The following RAB9B variants were observed in gnomAD, a reference collection of about 807,000 sequenced individuals.
The protein encoded by RAB9B is RAB9B, member RAS oncogene family.
RAB9B carries 1 observed loss-of-function variant against 8.9 expected under a neutral mutation model. The ratio of observed to expected loss-of-function variants is 0.11; its 90% CI spans 0.04 to 0.53. RAB9B has a LOEUF of 0.53. RAB9B is among the 20% of genes least tolerant of loss of function. The probability of loss-of-function intolerance (pLI) is 0.93; values close to 1 mark genes in which losing one functional copy is unlikely to be tolerated. For missense variants in RAB9B, 82 were observed against 152.9 expected, an observed-to-expected ratio of 0.54 and a Z score of 2.45; for synonymous variants, 63 against 57.0, an observed-to-expected ratio of 1.10 and a Z score of -0.47.
the RAB9B span, among the ~76,000 whole-genome samples, chrX:103,806,328 A>G: frequency 1.8e-5 from 2 of 110,890 alleles, no homozygotes; most frequent in Non-Finnish European, 3.8e-5. Context: ...GGTATTTTCT[A>G]ATTTTTCATG....
At chrX:103,786,395 A>G in the RAB9B span, 1 of 1,123,374 alleles carries the variant, frequency 8.9e-7, no homozygotes, top group African/African-American at 1.8e-5. Context: ...TACCTCACTT[A>G]TGTCGGGAAA....
chrX:103,788,498 C>T, the RAB9B span: 1 of 1,201,512 alleles, frequency 8.3e-7, no homozygotes, highest in Middle Eastern at 2.3e-4. Context: ...TGTCCATCTG[C>T]AAAACAGCTG....
the RAB9B span, among the ~76,000 whole-genome samples, chrX:103,804,423 A>G: frequency 8.9e-6 from 1 of 112,223 alleles, no homozygotes; most frequent in Non-Finnish European, 1.9e-5. Flanking sequence ...TTTGAAATCA[A>G]CAAATGTGAG....
chrX:103,810,983 G>A, the RAB9B span, among the ~76,000 whole-genome samples: 1 of 111,936 alleles, frequency 8.9e-6, no homozygotes, highest in Admixed American at 9.5e-5. Context: ...GGAAAGAACT[G>A]TCTTTAGTTA....
At chrX:103,798,915 C>A in the RAB9B span, among the ~76,000 whole-genome samples, 1 of 108,606 alleles carries the variant, frequency 9.2e-6, no homozygotes, top group Non-Finnish European at 1.9e-5. Context: ...GCTGGGATTA[C>A]AAGCGTGAGC....
the RAB9B span, among the ~76,000 whole-genome samples, chrX:103,792,960 ACCTT>A: frequency 8.9e-6 from 1 of 112,181 alleles, no homozygotes; most frequent in Non-Finnish European, 1.9e-5. Context: ...CTTTTTCAAT[ACCTT>A]AGTGGTGCCC....
the RAB9B span, among the ~76,000 whole-genome samples, chrX:103,814,606 A>T: frequency 9.0e-6 from 1 of 111,573 alleles, no homozygotes; most frequent in African/African-American, 3.3e-5. Context: ...ACTGAAGGAG[A>T]TAGAGACACA....
At chrX:103,793,372 G>A in the RAB9B span, among the ~76,000 whole-genome samples, 1 of 112,248 alleles carries the variant, frequency 8.9e-6, no homozygotes, top group Non-Finnish European at 1.9e-5. Flanking sequence ...TGACTGGAGA[G>A]AAAGGAATCT....
the RAB9B span, among the ~76,000 whole-genome samples, chrX:103,788,201 A>G: frequency 0.014 from 1,615 of 111,630 alleles, 23 homozygotes; most frequent in African/African-American, 0.049. Flanking sequence ...ACTCTAGTTG[A>G]CTGCTGTTCA....
the RAB9B span, among the ~76,000 whole-genome samples, chrX:103,797,523 C>T: frequency 2.4e-4 from 26 of 109,219 alleles, no homozygotes; most frequent in Middle Eastern, 4.7e-3. Context: ...TCAAACTCAC[C>T]TAGTTCTGAC....
chrX:103,805,290 A>C, the RAB9B span, among the ~76,000 whole-genome samples: 1 of 111,626 alleles, frequency 9.0e-6, no homozygotes, highest in African/African-American at 3.3e-5. Context: ...GGTGTATTCT[A>C]TTGACTGGCT....
the RAB9B span, among the ~76,000 whole-genome samples, chrX:103,809,271 C>T: frequency 4.5e-5 from 5 of 112,164 alleles, no homozygotes; most frequent in Admixed American, 3.8e-4. Flanking sequence ...TCTGGGATTT[C>T]CAGCCTCCAG....
downstream of RAB9B, among the ~76,000 whole-genome samples, chrX:103,820,557 A>G (rs1054666283): frequency 8.9e-6 from 1 of 111,774 alleles, no homozygotes; most frequent in African/African-American, 3.3e-5. Context: ...AAAAAATGAG[A>G]CCGTACTGTT....
the RAB9B span, among the ~76,000 whole-genome samples, chrX:103,781,463 T>A: frequency 8.9e-6 from 1 of 112,265 alleles, no homozygotes; most frequent in Non-Finnish European, 1.9e-5. Context: ...TCTTTTCCCT[T>A]TGCTTACATT....
chrX:103,790,301 C>A, the RAB9B span, among the ~76,000 whole-genome samples: 2 of 112,811 alleles, frequency 1.8e-5, no homozygotes, highest in African/African-American at 6.4e-5. Context: ...TGATTTGATT[C>A]TCTGGGCCTG....
chrX:103,787,757 G>C, the RAB9B span: 45 of 1,124,504 alleles, frequency 4.0e-5, no homozygotes, highest in African/African-American at 7.2e-4. Flanking sequence ...ACATCTGCAG[G>C]CTGATGCTGA....
chrX:103,810,224 A>G, the RAB9B span, among the ~76,000 whole-genome samples: 2 of 111,392 alleles, frequency 1.8e-5, no homozygotes, highest in Non-Finnish European at 3.8e-5. Flanking sequence ...TGAAGGGGAG[A>G]TTGGTGCAGG....
chrX:103,830,207 C>T (rs1309211682), intron 1 of RAB9B, among the ~76,000 whole-genome samples: 1 of 110,864 alleles, frequency 9.0e-6, no homozygotes, highest in African/African-American at 3.3e-5. Flanking sequence ...TCGGTGGGTG[C>T]TGGCCTCTCC....
At chrX:103,786,809 G>A in the RAB9B span, 2 of 1,025,501 alleles carry the variant, frequency 2.0e-6, no homozygotes, top group African/African-American at 3.7e-5. Context: ...CCCACCCAAG[G>A]CTGGGTCCTC....
Sources: gnomAD v4.1 joint callset for allele counts (sites outside exome capture counted in the v4.1 genomes callset) on GRCh38, gnomAD v4.1.1 for gene constraint, MANE v1.5 for transcripts, NCBI Gene and HGNC (gene_info 2026-07-23, HGNC 2026-07-21) for gene names.